The following EPHX4 variants were observed in gnomAD, a reference collection of about 807,000 sequenced individuals.
The protein encoded by EPHX4 is epoxide hydrolase 4, also known as abhydrolase domain containing 7.
Under a neutral mutation model 44.9 loss-of-function variants are expected in EPHX4, and 31 were observed. The observed-to-expected ratio is 0.69, with a 90% CI of 0.52 to 0.93. The LOEUF (loss-of-function observed/expected upper bound fraction) is 0.93, where lower values mean the gene tolerates loss of function less well. Among genes scored for constraint, EPHX4 ranks in the 40% least tolerant of loss-of-function variants. The pLI is 0.00. For missense variants in EPHX4, 373 were observed against 438.1 expected (o/e 0.85, Z 1.33); for synonymous variants, 151 against 159.7 (o/e 0.95, Z 0.41).
At chr1:92,062,513 G>A (rs1329805452) in intron 6 of EPHX4, among the ~76,000 whole-genome samples, 5 of 150,290 alleles carry the variant, frequency 3.3e-5, no homozygotes, top group African/African-American at 4.9e-5. Context: ...TGAACCCGGA[G>A]GGTGGAGGTT....
Position 92,050,356 on chromosome 1 carries a change from GTTA to G in EPHX4, c.651_653del (p.Tyr218del), listed in dbSNP as rs750537387. The stretch of plus-strand genomic sequence containing the variant: ...CACCCTGCTCAGCTGTTGAAATCCA[GTTA>G]TTATTACTTCTTCCAAATACCATGG... On this transcript the variant is annotated inframe_deletion, in exon 5 of 7. Transcript: ENST00000370383. The G allele has an allele frequency of 1.0e-5, 16 of 1,607,058 alleles. No homozygotes were observed. Among genetic ancestry groups the G allele is most frequent in the Non-Finnish European group, 1.3e-5 (15 of 1,177,060 alleles).
intron 2 of EPHX4, among the ~76,000 whole-genome samples, chr1:92,033,343 A>T (rs955130053): frequency 1.1e-4 from 17 of 152,010 alleles, no homozygotes; most frequent in African/African-American, 3.6e-4. Context: ...AAATTTATAT[A>T]TTTTTTTGAG....
intron 4 of EPHX4, among the ~76,000 whole-genome samples, chr1:92,047,283 C>A (rs905448914): frequency 1.3e-5 from 2 of 151,904 alleles, no homozygotes; most frequent in African/African-American, 4.8e-5. Context: ...GTGGTGTGCA[C>A]CTGTAGTCCC....
At chr1:92,034,136 C>CA (rs34520279) in intron 2 of EPHX4, among the ~76,000 whole-genome samples, 32,159 of 120,522 alleles carry the variant, frequency 0.27, 3,772 homozygotes, top group Middle Eastern at 0.35. Context: ...ACTAAAAATA[C>CA]AAAAAAAAAA....
chr1:92,040,891 G>T (rs1688499908), intron 2 of EPHX4, among the ~76,000 whole-genome samples: 1 of 151,912 alleles, frequency 6.6e-6, no homozygotes, highest in African/African-American at 2.4e-5. Context: ...CTTGCCTACT[G>T]CACTCCAAAA....
At chr1:92,040,379 T>A (rs1557882498) in intron 2 of EPHX4, among the ~76,000 whole-genome samples, 1 of 150,724 alleles carries the variant, frequency 6.6e-6, no homozygotes, top group Non-Finnish European at 1.5e-5. Flanking sequence ...AGTTTTGCTC[T>A]TGTTGCCCAG....
chr1:92,050,332 A>G lies in EPHX4; in HGVS notation c.620A>G (p.His207Arg). ...TTAATTTCAGAATATATTTTACGAC[A>G]CCCTGCTCAGCTGTTGAAATCCAGT... The part of the protein sequence containing the change: ...PNVFTEYILR[H>R]PAQLLKSSYY... Residue 207 changes from histidine to arginine, a missense_variant, in exon 5 of 7, where the codon CAC becomes CGC. His to Arg is a conservative substitution (Grantham distance 29). Transcript: ENST00000370383. 1 of 1,602,522 alleles carries G rather than the reference A, an allele frequency of 6.2e-7. No individual in the cohort carries two copies. Among genetic ancestry groups the G allele is most frequent in the Non-Finnish European group, 8.5e-7 (1 of 1,173,660 alleles).
intron 1 of EPHX4, among the ~76,000 whole-genome samples, 173 bp downstream of exon 1, chr1:92,030,483 T>TGTGTGTGTGA (rs745435867): frequency 3.3e-4 from 46 of 138,730 alleles, no homozygotes; most frequent in Middle Eastern, 7.4e-3. Flanking sequence ...TGTGTGTGTG[T>TGTGTGTGTGA]GTGAGAGAGA....
At chr1:92,062,266 T>G (rs1189883217) in intron 6 of EPHX4, among the ~76,000 whole-genome samples, 1 of 151,908 alleles carries the variant, frequency 6.6e-6, no homozygotes, top group Non-Finnish European at 1.5e-5. Flanking sequence ...ATTACACCAT[T>G]CAGTAATTCT....
rs1290732724 is a variant in EPHX4, at chr1:92,042,884, T to A, written c.379T>A (p.Leu127Met). ...KSEYRVVALDLRGYGETDAPI... is the reference protein window; with the variant it reads ...KSEYRVVALDMRGYGETDAPI... ...TGAATATCGAGTTGTAGCACTGGAT[T>A]TGAGAGGTTATGGAGAAACAGATGC... The change falls in exon 3 of 7, where the codon TTG becomes ATG. Residue 127 changes from leucine to methionine, a missense_variant. Leu to Met is a conservative substitution (Grantham distance 15). Coordinates refer to ENST00000370383, the MANE Select transcript of EPHX4 (RefSeq NM_173567.5). 6.2e-7 allele frequency: 1 copy of A among 1,613,718 alleles called. No homozygotes were observed. The highest frequency in any genetic ancestry group is 1.1e-5 in the South Asian group (1 of 91,000).
intron 3 of EPHX4, among the ~76,000 whole-genome samples, chr1:92,044,667 C>T (rs1188698954): frequency 6.6e-6 from 1 of 152,006 alleles, no homozygotes; most frequent in Non-Finnish European, 1.5e-5. Flanking sequence ...CTTCACAGTT[C>T]CAAATTAGTG....
chr1:92,030,442 T>C lies in EPHX4; in HGVS notation c.231+132T>C, dbSNP rs185722847. On this transcript the variant is annotated intron_variant, in intron 1 of 6. Coordinates refer to ENST00000370383, the MANE Select transcript of EPHX4 (RefSeq NM_173567.5). ...GTCCTGGCAGGAGGGGAGGAGGGGTTGGGTCCCTGTGTGTCGTGTGTGTGT... is the reference window on the plus strand; with the variant it reads ...GTCCTGGCAGGAGGGGAGGAGGGGTCGGGTCCCTGTGTGTCGTGTGTGTGT... The C allele has an allele frequency of 3.6e-5, 20 of 557,490 alleles. No individual in the cohort carries two copies. The African/African-American group carries it at 4.6e-4, about 13-fold the overall frequency. The allele number at this position is 557,490 out of a possible 1,614,324, so 34.5% of individuals were successfully genotyped here.
chr1:92,030,280 C>T lies in EPHX4; in HGVS notation c.201C>T (p.Ser67=), dbSNP rs1193166583. Residue 67 remains serine (S), a synonymous_variant, in exon 1 of 7, where the codon TCC becomes TCT. Transcript: ENST00000370383. ...EHPPACLSDP[S]LGTHCYVRIK... ...CTCCCGCGTGCCTGAGCGACCCCTCCTTGGGCACCCACTGCTACGTGCGGA... is the reference window on the plus strand; with the variant it reads ...CTCCCGCGTGCCTGAGCGACCCCTCTTTGGGCACCCACTGCTACGTGCGGA... The T allele has an allele frequency of 1.9e-6, 3 of 1,596,294 alleles. No homozygotes were observed. Among genetic ancestry groups the T allele is most frequent in the East Asian group, 2.3e-5 (1 of 43,884 alleles).
At chr1:92,050,454 T>C (rs757970379) in intron 5 of EPHX4, 34 bp downstream of exon 5, 22 of 1,088,984 alleles carry the variant, frequency 2.0e-5, no homozygotes, top group African/African-American at 1.6e-5. Context: ...TAATGTATTA[T>C]TATTATTATT....
At chr1:92,056,449 A>T (rs957695926) in intron 6 of EPHX4, among the ~76,000 whole-genome samples, 10 of 152,114 alleles carry the variant, frequency 6.6e-5, no homozygotes, top group African/African-American at 2.4e-4. Flanking sequence ...GCAAAATGTG[A>T]CAGTCTTACA....
intron 4 of EPHX4, 63 bp downstream of exon 4, chr1:92,045,723 T>C (rs1688573321): frequency 1.3e-6 from 2 of 1,593,056 alleles, no homozygotes; most frequent in Admixed American, 3.5e-5. Flanking sequence ...GCCACTGACC[T>C]TTTGGATTAG....
chr1:92,034,018 T>TTTTA (rs1553201608), intron 2 of EPHX4, among the ~76,000 whole-genome samples: 2 of 148,172 alleles, frequency 1.3e-5, no homozygotes, highest in Non-Finnish European at 3.0e-5. Context: ...TTTTTTTTTT[T>TTTTA]AATGAACATC....
chr1:92,062,313 C>T (rs971939498), intron 6 of EPHX4, among the ~76,000 whole-genome samples: 12 of 149,998 alleles, frequency 8.0e-5, no homozygotes, highest in African/African-American at 2.2e-4. Flanking sequence ...TGGCTGGGTG[C>T]GGTGGCTCAC....
rs116126182 is a variant in EPHX4 at position 92,044,988 on chromosome 1, G to A, written c.476-544G>A. On this transcript the variant is annotated intron_variant, in intron 3 of 6. Coordinates refer to ENST00000370383, the MANE Select transcript of EPHX4 (RefSeq NM_173567.5). ...TTTTCTTTTTTAGAAACAGAGTCTCGGTCTCGCTCTGTCACCCAGGCTGGA... is the reference window on the plus strand; with the variant it reads ...TTTTCTTTTTTAGAAACAGAGTCTCAGTCTCGCTCTGTCACCCAGGCTGGA... Among the ~76,000 whole-genome samples the A allele has an allele frequency of 3.6e-3, 540 of 151,818 alleles. 3 individuals are homozygous for A. Among genetic ancestry groups the A allele is most frequent in the Admixed American group, 9.2e-3 (140 of 15,222 alleles).
Sources: gnomAD v4.1 joint callset for allele counts (sites outside exome capture counted in the v4.1 genomes callset) on GRCh38, gnomAD v4.1.1 for gene constraint, MANE v1.5 for transcripts, NCBI Gene and HGNC (gene_info 2026-07-23, HGNC 2026-07-21) for gene names.